The following PLXDC2 variants were observed in gnomAD, a reference collection of about 807,000 sequenced individuals.
PLXDC2 encodes plexin domain-containing protein 2.
Under a neutral mutation model 68.9 loss-of-function variants are expected in PLXDC2, and 40 were observed. The ratio of observed to expected loss-of-function variants is 0.58; its 90% CI spans 0.45 to 0.76. The LOEUF (loss-of-function observed/expected upper bound fraction) is 0.76, where lower values mean the gene tolerates loss of function less well. Ranked by LOEUF, PLXDC2 falls within the 30% of genes least tolerant of loss-of-function variation. The pLI, the probability that PLXDC2 is intolerant of heterozygous loss-of-function variation, is 0.00. For synonymous variants in PLXDC2, 243 were observed against 234.2 expected, an observed-to-expected ratio of 1.04 and a Z score of -0.34; for missense variants, 644 against 661.9, an observed-to-expected ratio of 0.97 and a Z score of 0.30.
intron 1 of PLXDC2, among the ~76,000 whole-genome samples, chr10:19,827,084 G>A (rs1004835459): frequency 2.6e-5 from 4 of 152,156 alleles, no homozygotes; most frequent in African/African-American, 9.7e-5. Context: ...GTCTTTTCCT[G>A]TTTACATGCA....
rs192682838 is a variant in PLXDC2, at chr10:20,248,291, C to G, written c.1473+2786C>G. Among the ~76,000 whole-genome samples the G allele has an allele frequency of 1.9e-3, 289 of 152,138 alleles. 2 individuals are homozygous for G. Among genetic ancestry groups the G allele is most frequent in the African/African-American group, 6.5e-3 (271 of 41,470 alleles). ...AGTCTCATTGTCTTATGTCTCAGAGCCTGTATGTCCATAGGTGTGGAGTGT... is the reference window on the plus strand; with the variant it reads ...AGTCTCATTGTCTTATGTCTCAGAGGCTGTATGTCCATAGGTGTGGAGTGT... On this transcript the variant is annotated intron_variant, in intron 13 of 13. Coordinates refer to ENST00000377252, the MANE Select transcript of PLXDC2 (RefSeq NM_032812.9).
At chr10:19,852,118 A>G (rs571554645) in intron 1 of PLXDC2, among the ~76,000 whole-genome samples, 30 of 152,240 alleles carry the variant, frequency 2.0e-4, no homozygotes, top group African/African-American at 7.0e-4. Flanking sequence ...TAAACCATTT[A>G]TCAAGGCTGG....
At chr10:19,914,763 C>A (rs186831882) in intron 1 of PLXDC2, among the ~76,000 whole-genome samples, 2 of 152,236 alleles carry the variant, frequency 1.3e-5, no homozygotes, top group East Asian at 3.9e-4. Context: ...CACACAAGTA[C>A]AATAGTCAAA....
intron 1 of PLXDC2, among the ~76,000 whole-genome samples, chr10:19,879,730 G>T (rs1308572841): frequency 6.6e-6 from 1 of 152,124 alleles, no homozygotes; most frequent in Non-Finnish European, 1.5e-5. Flanking sequence ...TGTGAAGGAA[G>T]TAAAGATGGG....
chr10:20,143,372 G>C lies in PLXDC2; in HGVS notation c.619G>C (p.Asp207His). 6.2e-7 allele frequency: 1 copy of C among 1,613,182 alleles called. No homozygotes were observed. Among genetic ancestry groups the C allele is most frequent in the Non-Finnish European group, 8.5e-7 (1 of 1,179,358 alleles). ...QYIAPLMANF[D>H]PSVSRNSTVR... is the part of the protein sequence containing the mutation. ...CATAGCACCTTTAATGGCAAATTTC[G>C]ATCCCAGTGTATCCAGAAATTCAAC... Residue 207 changes from aspartate to histidine, a missense_variant, in exon 5 of 14, where the codon GAT (aspartate) becomes CAT (histidine). Physicochemically the swap from Asp to His is moderately conservative, Grantham distance 81. This residue lies in a region of PLXDC2 where 113 missense variants were observed against 167.1 expected (regional missense o/e 0.68). Coordinates refer to ENST00000377252, the MANE Select transcript of PLXDC2 (RefSeq NM_032812.9).
intron 1 of PLXDC2, among the ~76,000 whole-genome samples, chr10:19,940,039 C>A (rs965885526): frequency 6.6e-6 from 1 of 151,650 alleles, no homozygotes; most frequent in Admixed American, 6.6e-5. Context: ...TGAATAAATT[C>A]AAATTTTTAG....
intron 1 of PLXDC2, among the ~76,000 whole-genome samples, chr10:19,918,192 A>G (rs1833401686): frequency 6.6e-6 from 1 of 152,126 alleles, no homozygotes; most frequent in African/African-American, 2.4e-5. Context: ...AGGCATGCCA[A>G]TTTCATCTAG....
At chr10:20,188,856 A>G (rs1834720832) in intron 9 of PLXDC2, among the ~76,000 whole-genome samples, 1 of 151,766 alleles carries the variant, frequency 6.6e-6, no homozygotes, top group African/African-American at 2.4e-5. Context: ...TTGATATTAA[A>G]TTATTGCTAT....
chr10:20,261,226 T>G (rs1419534020), intron 13 of PLXDC2, among the ~76,000 whole-genome samples: 1 of 152,216 alleles, frequency 6.6e-6, no homozygotes, highest in East Asian at 1.9e-4. Flanking sequence ...TTGCTTTTGT[T>G]GCCTGAAGTT....
At chr10:20,072,833 T>C (rs1189913711) in intron 4 of PLXDC2, among the ~76,000 whole-genome samples, 1 of 152,208 alleles carries the variant, frequency 6.6e-6, no homozygotes, top group African/African-American at 2.4e-5. Flanking sequence ...TCCACTAGGA[T>C]GCAGTGAATC....
At chr10:19,899,513 A>C (rs1348923075) in intron 1 of PLXDC2, among the ~76,000 whole-genome samples, 1 of 152,208 alleles carries the variant, frequency 6.6e-6, no homozygotes, top group African/African-American at 2.4e-5. Flanking sequence ...GTATTATATG[A>C]GAATAAATAC....
chr10:19,908,597 C>G (rs114607407), intron 1 of PLXDC2, among the ~76,000 whole-genome samples: 219 of 152,036 alleles, frequency 1.4e-3, no homozygotes, highest in African/African-American at 5.0e-3. Context: ...AAGATTCTGA[C>G]GAGTCAAAGG....
intron 6 of PLXDC2, among the ~76,000 whole-genome samples, chr10:20,155,685 A>G (rs540235772): frequency 1.3e-5 from 2 of 152,180 alleles, no homozygotes; most frequent in East Asian, 3.9e-4. Flanking sequence ...GAGATATTTT[A>G]TTTTTTAGCT....
chr10:19,849,806 A>G (rs79002967), intron 1 of PLXDC2, among the ~76,000 whole-genome samples: 7,522 of 152,158 alleles, frequency 0.049, 190 homozygotes, highest in African/African-American at 0.053. Context: ...AATGGATGGG[A>G]TGGGTTATTT....
chr10:20,099,305 A>G (rs1833392202), intron 4 of PLXDC2, among the ~76,000 whole-genome samples: 1 of 152,174 alleles, frequency 6.6e-6, no homozygotes, highest in Non-Finnish European at 1.5e-5. Context: ...CATACAAAAG[A>G]GATCTTCTTG....
chr10:19,943,417 T>C (rs889060702), intron 1 of PLXDC2, among the ~76,000 whole-genome samples: 1 of 152,250 alleles, frequency 6.6e-6, no homozygotes, highest in South Asian at 2.1e-4. Context: ...GTCTTCACTA[T>C]ATTTCTCCCA....
At chr10:19,835,466 C>G (rs919533473) in intron 1 of PLXDC2, among the ~76,000 whole-genome samples, 1 of 152,140 alleles carries the variant, frequency 6.6e-6, no homozygotes, top group African/African-American at 2.4e-5. Flanking sequence ...TTGGCGAGTA[C>G]TGAGGTGCTC....
At chr10:19,841,015 C>G (rs907748924) in intron 1 of PLXDC2, among the ~76,000 whole-genome samples, 3 of 152,148 alleles carry the variant, frequency 2.0e-5, no homozygotes, top group Non-Finnish European at 4.4e-5. Flanking sequence ...AAGTAATTTT[C>G]CTCAGCTGTC....
rs190788572 is a variant in PLXDC2 at position 20,198,403 on chromosome 10, A to G, written c.1062-13266A>G. Among the ~76,000 whole-genome samples the G allele has an allele frequency of 5.9e-3, 900 of 152,280 alleles. 3 individuals carry two copies. Among genetic ancestry groups the G allele is most frequent in the Middle Eastern group, 0.017 (5 of 294 alleles). Reference sequence around the variant, plus strand: ...CAATATTGACGACTCTTCTATGACTATAGATATAAATTTTGTATATACTAA... The same window carrying G: ...CAATATTGACGACTCTTCTATGACTGTAGATATAAATTTTGTATATACTAA... On this transcript the variant is annotated intron_variant, in intron 9 of 13. Coordinates refer to ENST00000377252, the MANE Select transcript of PLXDC2 (RefSeq NM_032812.9).
Sources: allele counts gnomAD v4.1 joint callset (sites outside exome capture counted in the v4.1 genomes callset), GRCh38; gene constraint gnomAD v4.1.1; regional missense constraint gnomAD v4.1.1; transcripts MANE v1.5; gene names NCBI Gene and HGNC (gene_info 2026-07-23, HGNC 2026-07-21).